The following IRGC variants were observed in gnomAD, a reference collection of about 807,000 sequenced individuals.
IRGC encodes immunity related GTPase cinema, also known as interferon-inducible GTPase 5.
Under a neutral mutation model 16.1 loss-of-function variants are expected in IRGC, and 4 were observed. The observed-to-expected ratio is 0.25, with a 90% confidence interval of 0.12 to 0.57. The LOEUF (loss-of-function observed/expected upper bound fraction) is 0.57, where lower values mean the gene tolerates loss of function less well. IRGC is among the 20% of genes least tolerant of loss of function. The pLI is 0.92. For synonymous variants in IRGC, 307 were observed against 299.5 expected, an observed-to-expected ratio of 1.03 and a Z score of -0.26; for missense variants, 570 against 643.9, an observed-to-expected ratio of 0.89 and a Z score of 1.24.
chr19:43,718,891 C>T lies in IRGC; in HGVS notation c.333C>T (p.Asp111=). 1.9e-6 allele frequency: 3 copies of T among 1,613,370 alleles called. No individual in the cohort carries two copies. The highest frequency in any genetic ancestry group is 2.2e-5 in the South Asian group (2 of 91,088). ...AGTTCCCTGACGTGACCCTCTGGGA[C>T]CTGCCAGGAGCCGGCTCTCCAGGCT... The part of the protein sequence containing the change: ...HPQFPDVTLW[D]LPGAGSPGCP... Residue 111 remains aspartate (D), a synonymous_variant, in exon 2 of 2, where the codon GAC becomes GAT. Transcript: ENST00000244314.
chr19:43,719,044 G>A lies in IRGC; in HGVS notation c.486G>A (p.Lys162=), dbSNP rs760335896. 1.2e-6 allele frequency: 2 copies of A among 1,612,852 alleles called. No individual in the cohort carries two copies. The highest frequency in any genetic ancestry group is 1.7e-5 in the Admixed American group (1 of 60,000). Residue 162 remains lysine, a synonymous_variant, in exon 2 of 2, where the codon AAG becomes AAA. Transcript: ENST00000244314. ...CTGAGATCCTGTGCCAGGGCAAGAA[G>A]TTCTACTTTGTGCGCACCAAGGTGG... is the stretch of plus-strand genomic sequence containing the variant. ...LAAEILCQGK[K]FYFVRTKVDE...
rs1300232205 is a variant in IRGC at position 43,718,999 on chromosome 19, C to T, written c.441C>T (p.Ala147=). The change falls in exon 2 of 2, where the codon GCC becomes GCT. Residue 147 remains alanine, a synonymous_variant. Transcript: ENST00000244314. The part of the protein sequence containing the change: ...FLLVSPRRCG[A]VETRLAAEIL... Reference sequence around the variant, plus strand: ...TGGTCTCCCCCCGCCGCTGCGGGGCCGTCGAGACCCGCCTGGCCGCTGAGA... The same window carrying T: ...TGGTCTCCCCCCGCCGCTGCGGGGCTGTCGAGACCCGCCTGGCCGCTGAGA... 4 of 1,612,104 alleles carry T rather than the reference C, an allele frequency of 2.5e-6. No homozygotes were observed. The highest frequency in any genetic ancestry group is 3.4e-6 in the Non-Finnish European group (4 of 1,179,590).
rs776854343 is a variant in IRGC, at chr19:43,719,419, C to T, written c.861C>T (p.Ala287=). Reference sequence around the variant, plus strand: ...CCCTGCCGGTCCCAGGGCTGGCGGCCGCCTACGATGATGCGTTGCTCATCC... The same window carrying T: ...CCCTGCCGGTCCCAGGGCTGGCGGCTGCCTACGATGATGCGTTGCTCATCC... ...IQALPVPGLA[A]AYDDALLIHS... is the part of the protein sequence containing the mutation. The change falls in exon 2 of 2, where the codon GCC becomes GCT. Residue 287 remains alanine, a synonymous_variant. Transcript: ENST00000244314. 1.9e-5 allele frequency: 30 copies of T among 1,605,386 alleles called. No individual in the cohort carries two copies. Among genetic ancestry groups the T allele is most frequent in the East Asian group, 1.8e-4 (8 of 44,676 alleles).
Position 43,719,933 on chromosome 19 carries a change from G to T in IRGC, c.1375G>T (p.Asp459Tyr). 1.9e-6 allele frequency: 3 copies of T among 1,613,352 alleles called. No individual in the cohort carries two copies. Among genetic ancestry groups the T allele is most frequent in the Non-Finnish European group, 1.7e-6 (2 of 1,180,020 alleles). The change falls in exon 2 of 2, where the codon GAC becomes TAC. Residue 459 changes from aspartate to tyrosine, a missense_variant. Asp to Tyr is a radical substitution (Grantham distance 160). Coordinates refer to ENST00000244314, the MANE Select transcript of IRGC (RefSeq NM_019612.4). The stretch of plus-strand genomic sequence containing the variant: ...CATTCTGGACAGCTGGAAGAAACAC[G>T]ACTCAGAAGAGAAATAAAGAGTGCA... The part of the protein sequence containing the change: ...KYILDSWKKH[D>Y]SEEK
At position 43,719,732 on chromosome 19, in the gene IRGC, A is replaced by G; in HGVS notation, c.1174A>G (p.Met392Val). 6.2e-7 allele frequency: 1 copy of G among 1,613,442 alleles called. No homozygotes were observed. Among genetic ancestry groups the G allele is most frequent in the East Asian group, 2.2e-5 (1 of 44,874 alleles). The change falls in exon 2 of 2, where the codon ATG (methionine) becomes GTG (valine). Residue 392 changes from methionine (M) to valine (V), a missense_variant. Met to Val is a conservative substitution (Grantham distance 21). Coordinates refer to ENST00000244314, the MANE Select transcript of IRGC (RefSeq NM_019612.4). Reference sequence around the variant, plus strand: ...CATGCTCCAGGGCTGCCTCAACGAGATGGCTGAGGACGCCCAGCGTGTCCG... The same window carrying G: ...CATGCTCCAGGGCTGCCTCAACGAGGTGGCTGAGGACGCCCAGCGTGTCCG... ...YTMLQGCLNE[M>V]AEDAQRVRIK... is the part of the protein sequence containing the mutation.
chr19:43,719,103 C>T lies in IRGC; in HGVS notation c.545C>T (p.Pro182Leu), dbSNP rs1475760530. 1 of 1,609,636 alleles carries T rather than the reference C, an allele frequency of 6.2e-7. No homozygotes were observed. ...CTGGCGGCCACGCGCACCCAGCGGCCGTCGGGCTTCAGAGAGGCCGCTGTC... is the reference window on the plus strand; with the variant it reads ...CTGGCGGCCACGCGCACCCAGCGGCTGTCGGGCTTCAGAGAGGCCGCTGTC... ...EDLAATRTQR[P>L]SGFREAAVLQ... The change falls in exon 2 of 2, where the codon CCG (proline) becomes CTG (leucine). Residue 182 changes from proline (P) to leucine (L), a missense_variant. Coordinates refer to ENST00000244314, the MANE Select transcript of IRGC (RefSeq NM_019612.4).
chr19:43,719,964 G>A lies in IRGC; in HGVS notation c.*14G>A, dbSNP rs776957778. 3.0e-5 allele frequency: 48 copies of A among 1,611,028 alleles called. No homozygotes were observed. The highest frequency in any genetic ancestry group is 1.5e-4 in the Admixed American group (9 of 59,736). On this transcript the variant is annotated 3_prime_UTR_variant, in exon 2 of 2. Transcript: ENST00000244314. ...GAAGAGAAATAAAGAGTGCAGCCCC[G>A]CCCCCCTGCCTCACCCACAAACTAA...
In IRGC at chr19:43,719,625, G is replaced by A. The variant is rs777863585; in HGVS notation, c.1067G>A (p.Arg356Gln). The A allele has an allele frequency of 1.2e-5, 19 of 1,604,672 alleles. No homozygotes were observed. Among genetic ancestry groups the A allele is most frequent in the African/African-American group, 4.0e-5 (3 of 74,952 alleles). Residue 356 changes from arginine to glutamine, a missense_variant, in exon 2 of 2, where the codon CGG (arginine) becomes CAG (glutamine). Physicochemically the swap from Arg to Gln is conservative, Grantham distance 43. Transcript: ENST00000244314. The part of the protein sequence containing the change: ...LYSQSSDGAM[R>Q]VARAFERGIP... The stretch of plus-strand genomic sequence containing the variant: ...TCCCAGTCGTCCGACGGCGCCATGC[G>A]GGTGGCCCGCGCCTTTGAGAGGGGC...
In IRGC at chr19:43,719,617, C is replaced by T. The variant is rs376496268; in HGVS notation, c.1059C>T (p.Gly353=). Residue 353 remains glycine, a synonymous_variant, in exon 2 of 2, where the codon GGC becomes GGT. Transcript: ENST00000244314. ...GGCTCTATTCCCAGTCGTCCGACGGCGCCATGCGGGTGGCCCGCGCCTTTG... is the reference window on the plus strand; with the variant it reads ...GGCTCTATTCCCAGTCGTCCGACGGTGCCATGCGGGTGGCCCGCGCCTTTG... ...VLRLYSQSSD[G]AMRVARAFER... 9.1e-5 allele frequency: 146 copies of T among 1,604,076 alleles called. 1 individual carries two copies. The highest frequency in any genetic ancestry group is 6.2e-4 in the South Asian group (56 of 91,042).
Position 43,719,579 on chromosome 19 carries a change from G to C in IRGC, c.1021G>C (p.Glu341Gln). The change falls in exon 2 of 2, where the codon GAG becomes CAG. Residue 341 changes from glutamate to glutamine, a missense_variant. Glu to Gln is a conservative substitution (Grantham distance 29, BLOSUM62 2). Coordinates refer to ENST00000244314, the MANE Select transcript of IRGC (RefSeq NM_019612.4). ...RSPLANEVSP[E>Q]TVLRLYSQSS... ...CCCACTGGCCAACGAGGTCTCGCCT[G>C]AGACTGTCCTGCGGCTCTATTCCCA... 2.5e-6 allele frequency: 4 copies of C among 1,602,490 alleles called. No individual in the cohort carries two copies. The South Asian group carries it at 3.3e-5, about 13-fold the overall frequency.
rs965718503 is a variant in IRGC at position 43,719,937 on chromosome 19, C to T, written c.1379C>T (p.Ser460Leu). Residue 460 changes from serine (S) to leucine (L), a missense_variant, in exon 2 of 2, where the codon TCA (serine) becomes TTA (leucine). Coordinates refer to ENST00000244314, the MANE Select transcript of IRGC (RefSeq NM_019612.4). ...CTGGACAGCTGGAAGAAACACGACT[C>T]AGAAGAGAAATAAAGAGTGCAGCCC... Reference protein sequence around the residue: ...YILDSWKKHDSEEK With the variant: ...YILDSWKKHDLEEK The T allele has an allele frequency of 3.7e-6, 6 of 1,613,200 alleles. No individual in the cohort carries two copies. The Admixed American group carries it at 6.7e-5, about 18-fold the overall frequency.
At position 43,719,698 on chromosome 19, in the gene IRGC, T is replaced by C. The variant is rs1968241975; in HGVS notation, c.1140T>C (p.Ala380=). 6.2e-7 allele frequency: 1 copy of C among 1,612,354 alleles called. No homozygotes were observed. The highest frequency in any genetic ancestry group is 8.5e-7 in the Non-Finnish European group (1 of 1,179,838). The change falls in exon 2 of 2, where the codon GCT becomes GCC. Residue 380 remains alanine, a synonymous_variant. Coordinates refer to ENST00000244314, the MANE Select transcript of IRGC (RefSeq NM_019612.4). ...TGGCTGGCGGCATCAGCTTTGGCGCTGTCTACACCATGCTCCAGGGCTGCC... is the reference window on the plus strand; with the variant it reads ...TGGCTGGCGGCATCAGCTTTGGCGCCGTCTACACCATGCTCCAGGGCTGCC... ...TLVAGGISFG[A]VYTMLQGCLN... is the part of the protein sequence containing the mutation.
Position 43,719,890 on chromosome 19 carries a change from CG to C in IRGC, c.1334del (p.Gly445AlafsTer35). 1 of 1,613,868 alleles carries C rather than the reference CG, an allele frequency of 6.2e-7. No individual in the cohort carries two copies. Among genetic ancestry groups the C allele is most frequent in the South Asian group, 1.1e-5 (1 of 91,086 alleles). On this transcript the variant is annotated frameshift_variant, in exon 2 of 2. Coordinates refer to ENST00000244314, the MANE Select transcript of IRGC (RefSeq NM_019612.4). LOFTEE classifies it high-confidence loss of function. ...EAPLSTCRKL[G>X]LLLKYILDSW... ...CCCCACTCTCAACCTGCAGGAAGCT[CG>C]GCCTCCTTCTTAAGTACATTCTGGA...
In IRGC at chr19:43,718,787, C is replaced by T. The variant is rs1758856089; in HGVS notation, c.229C>T (p.Leu77=). 2 of 1,612,806 alleles carry T rather than the reference C, an allele frequency of 1.2e-6. No homozygotes were observed. The highest frequency in any genetic ancestry group is 1.7e-6 in the Non-Finnish European group (2 of 1,179,940). The change falls in exon 2 of 2, where the codon CTG becomes TTG. Residue 77 remains leucine, a synonymous_variant. Transcript: ENST00000244314. ...KSSLINALRG[L]EAEDPGAALT... is the part of the protein sequence containing the mutation. ...CTCCCTCATCAATGCCCTGCGTGGCCTGGAGGCCGAGGACCCTGGCGCGGC... is the reference window on the plus strand; with the variant it reads ...CTCCCTCATCAATGCCCTGCGTGGCTTGGAGGCCGAGGACCCTGGCGCGGC...
chr19:43,718,562 GCTA>G lies in IRGC; in HGVS notation c.7_9del (p.Thr3del). 6 of 1,567,872 alleles carry G rather than the reference GCTA, an allele frequency of 3.8e-6. No individual in the cohort carries two copies. Among genetic ancestry groups the G allele is most frequent in the Non-Finnish European group, 5.2e-6 (6 of 1,154,512 alleles). Reference sequence around the variant, plus strand: ...ACCCTCTGAACCACTGGCCACCATGGCTACTTCAAAGTTGCCCGTGGTGCCTGG... The same window carrying G: ...ACCCTCTGAACCACTGGCCACCATGGCTTCAAAGTTGCCCGTGGTGCCTGG... On this transcript the variant is annotated inframe_deletion, in exon 2 of 2. Transcript: ENST00000244314.
Position 43,718,769 on chromosome 19 carries a change from A to G in IRGC, c.211A>G (p.Ile71Val), listed in dbSNP as rs1234273412. ...GESGAGKSSL[I>V]NALRGLEAED... ...GTCGGGCGCGGGCAAGTCCTCCCTC[A>G]TCAATGCCCTGCGTGGCCTGGAGGC... Residue 71 changes from isoleucine to valine, a missense_variant, in exon 2 of 2, where the codon ATC becomes GTC. Physicochemically the swap from Ile to Val is conservative, Grantham distance 29. Coordinates refer to ENST00000244314, the MANE Select transcript of IRGC (RefSeq NM_019612.4). 3.1e-6 allele frequency: 5 copies of G among 1,612,762 alleles called. No homozygotes were observed. Among genetic ancestry groups the G allele is most frequent in the Admixed American group, 1.7e-5 (1 of 59,986 alleles).
Position 43,719,211 on chromosome 19 carries a change from T to A in IRGC, c.653T>A (p.Leu218His). Residue 218 changes from leucine (L) to histidine (H), a missense_variant, in exon 2 of 2, where the codon CTC (leucine) becomes CAC (histidine). Leu to His is a moderately conservative substitution (Grantham distance 99, BLOSUM62 -3). Coordinates refer to ENST00000244314, the MANE Select transcript of IRGC (RefSeq NM_019612.4). ...ADPRIFLVSN[L>H]SPARYDFPTL... ...CCTCGCATCTTCCTGGTGTCCAACC[T>A]CTCGCCGGCCCGCTACGACTTTCCC... 6.2e-7 allele frequency: 1 copy of A among 1,608,626 alleles called. No homozygotes were observed. Among genetic ancestry groups the A allele is most frequent in the Non-Finnish European group, 8.5e-7 (1 of 1,179,616 alleles).
chr19:43,716,310 A>G (rs914272808), intron 1 of IRGC, among the ~76,000 whole-genome samples, 168 bp downstream of exon 1: 3 of 151,742 alleles, frequency 2.0e-5, no homozygotes, highest in Non-Finnish European at 4.4e-5. Context: ...CATACTAGGG[A>G]GAGGGCACAC....
chr19:43,718,502 A>G lies in IRGC; in HGVS notation c.-57A>G. 2.0e-6 allele frequency: 3 copies of G among 1,515,622 alleles called. No homozygotes were observed. The highest frequency in any genetic ancestry group is 2.6e-6 in the Non-Finnish European group (3 of 1,134,100). The allele number at this position is 1,515,622 out of a possible 1,614,324, so 93.9% of individuals were successfully genotyped here. ...CCCTTCTCCTCTGCAGGCGCTGAGG[A>G]TCACGCATCCTGTGACTCTCCCCTG... is the stretch of plus-strand genomic sequence containing the variant. On this transcript the variant is annotated 5_prime_UTR_variant, in exon 2 of 2. Transcript: ENST00000244314.
Sources: allele counts gnomAD v4.1 joint callset (sites outside exome capture counted in the v4.1 genomes callset), GRCh38; gene constraint gnomAD v4.1.1; transcripts MANE v1.5; gene names NCBI Gene and HGNC (gene_info 2026-07-23, HGNC 2026-07-21).